Variants in ZNF41 observed in about 807,000 individuals in gnomAD.
The protein encoded by ZNF41 is zinc finger protein 41.
Under a neutral mutation model 9.3 loss-of-function variants are expected in ZNF41, and 6 were observed. The ratio of observed to expected loss-of-function variants is 0.65; its 90% CI spans 0.35 to 1.28. The LOEUF (loss-of-function observed/expected upper bound fraction) is 1.28, where lower values mean the gene tolerates loss of function less well. Ranked by LOEUF, ZNF41 falls within the 50% of genes most tolerant of loss-of-function variation. The pLI is 0.03. For synonymous variants in ZNF41, 192 were observed against 207.1 expected (o/e 0.93, Z 0.63); for missense variants, 523 against 585.8 (o/e 0.89, Z 1.11).
At chrX:47,452,976 AAT>A (rs758102921) in intron 4 of ZNF41, among the ~76,000 whole-genome samples, 4 of 112,595 alleles carry the variant, frequency 3.6e-5, no homozygotes, top group Non-Finnish European at 7.5e-5. Flanking sequence ...TACTACAAGA[AAT>A]AGGCTCTTCA....
chrX:47,458,863 C>G (rs769129753), intron 2 of ZNF41, among the ~76,000 whole-genome samples: 1 of 106,426 alleles, frequency 9.4e-6, no homozygotes, highest in African/African-American at 3.4e-5. Flanking sequence ...CTCAAGTGAT[C>G]CACCTGCCTC....
In ZNF41 at chrX:47,447,927, C is replaced by A; in HGVS notation, c.1843G>T (p.Ala615Ser). 1 of 1,211,648 alleles carries A rather than the reference C, an allele frequency of 8.3e-7. No individual in the cohort carries two copies. The highest frequency in any genetic ancestry group is 1.1e-6 in the Non-Finnish European group (1 of 895,508). The change falls in exon 5 of 5, where the codon GCC becomes TCC. Residue 615 changes from alanine (A) to serine (S), a missense_variant. By Grantham distance (99) the Ala-to-Ser change is moderately conservative. Coordinates refer to ENST00000684689, the MANE Select transcript of ZNF41 (RefSeq NM_001324144.2). ...KPYVCPECGK[A>S]FIQKSHFIAH... ...ATGAAGTGCGATTTCTGGATAAAGG[C>A]CTTCCCGCATTCAGGACAAACGTAC...
rs1213007805 is a variant in ZNF41, at chrX:47,448,525, T to C, written c.1245A>G (p.Glu415=). 73 of 1,211,769 alleles carry C rather than the reference T, an allele frequency of 6.0e-5. No homozygotes were observed. Among genetic ancestry groups the C allele is most frequent in the Non-Finnish European group, 8.0e-5 (72 of 895,567 alleles). ...HTGEKHYECN[E]CGKAFTRKSA... ...ATTTTCTTGTGAAAGCCTTCCCACA[T>C]TCATTGCATTCATAGTGTTTCTCTC... Residue 415 remains glutamate, a synonymous_variant, in exon 5 of 5, where the codon GAA becomes GAG. Transcript: ENST00000684689.
chrX:47,470,168 C>G (rs1364060792), intron 1 of ZNF41, among the ~76,000 whole-genome samples: 1 of 109,904 alleles, frequency 9.1e-6, no homozygotes, highest in Non-Finnish European at 1.9e-5. Flanking sequence ...AATCCTAGCA[C>G]TTTGGGAGGC....
At chrX:47,462,942 T>TAC (rs1437920546) in intron 2 of ZNF41, among the ~76,000 whole-genome samples, 11 of 67,158 alleles carry the variant, frequency 1.6e-4, no homozygotes, top group African/African-American at 4.6e-4. Context: ...CACATATATA[T>TAC]ATATACACAC....
In ZNF41 at chrX:47,446,367, T is replaced by C. The variant is rs1024617382; in HGVS notation, c.*1063A>G. On this transcript the variant is annotated 3_prime_UTR_variant, in exon 5 of 5. Transcript: ENST00000684689. ...TATCACATAGCAGTCTACACAAAAC[T>C]ACCCTTAATGTGCATGTAGGAAATG... The C allele has an allele frequency of 3.6e-5, 4 of 111,492 alleles. No homozygotes were observed. The highest frequency in any genetic ancestry group is 5.6e-5 in the Non-Finnish European group (3 of 53,150). The allele number at this position is 111,492 out of a possible 1,213,427, so 9.2% of individuals were successfully genotyped here.
At chrX:47,454,002 G>C (rs2056457284) in intron 4 of ZNF41, among the ~76,000 whole-genome samples, 1 of 111,433 alleles carries the variant, frequency 9.0e-6, no homozygotes, top group Non-Finnish European at 1.9e-5. Context: ...AACCCAGGAG[G>C]CATAGGCTGC....
chrX:47,455,065 G>T (rs1181212962), intron 4 of ZNF41, among the ~76,000 whole-genome samples: 1 of 109,176 alleles, frequency 9.2e-6, no homozygotes, highest in African/African-American at 3.3e-5. Context: ...GACCAACATG[G>T]AGAAACCCCA....
In ZNF41 at chrX:47,467,718, A is replaced by C; in HGVS notation, c.-237T>G. ...GTCATCACTCCACGTTCACTCACAAATGTTTTCTGGTGGTGCCCAGGGGCC... is the reference window on the plus strand; with the variant it reads ...GTCATCACTCCACGTTCACTCACAACTGTTTTCTGGTGGTGCCCAGGGGCC... On this transcript the variant is annotated 5_prime_UTR_variant, in exon 2 of 5. Coordinates refer to ENST00000684689, the MANE Select transcript of ZNF41 (RefSeq NM_001324144.2). 2 of 426,829 alleles carry C rather than the reference A, an allele frequency of 4.7e-6. No individual in the cohort carries two copies. The highest frequency in any genetic ancestry group is 3.9e-5 in the East Asian group (1 of 25,501). 35.2% of individuals were successfully genotyped at this position (426,829 alleles called of 1,213,427 possible). A position where few individuals can be genotyped will look rare whatever the true frequency, so the allele number is the denominator to read the frequency against.
At chrX:47,474,463 CA>C (rs759577486) in intron 1 of ZNF41, among the ~76,000 whole-genome samples, 34 of 99,854 alleles carry the variant, frequency 3.4e-4, no homozygotes, top group African/African-American at 3.6e-4. Flanking sequence ...AACTCCATCT[CA>C]AAAAAAAAAA....
Position 47,455,543 on chromosome X carries a change from T to TC in ZNF41, c.295+377dup, listed in dbSNP as rs1424847598. Among the ~76,000 whole-genome samples, 25 of 109,308 alleles carry TC rather than the reference T, an allele frequency of 2.3e-4. No homozygotes were observed. The Admixed American group carries it at 2.4e-3, about 11-fold the overall frequency. The allele number at this position is 109,308 out of a possible 115,157, so 94.9% of individuals were successfully genotyped here. ...GAGGTTGCATTGAGCCAAGATCATG[T>TC]CACTGCACTCCAGCCTGGGCCACAG... On this transcript the variant is annotated intron_variant, in intron 4 of 4. Coordinates refer to ENST00000684689, the MANE Select transcript of ZNF41 (RefSeq NM_001324144.2).
At chrX:47,467,234 C>T in intron 2 of ZNF41, 176 bp downstream of exon 2, 1 of 1,046,467 alleles carries the variant, frequency 9.6e-7, no homozygotes, top group Non-Finnish European at 1.3e-6. Context: ...GATGTGGCCT[C>T]ATCAGCCAAG....
In ZNF41 at chrX:47,455,941, G is replaced by T. The variant is rs1461263974; in HGVS notation, c.275C>A (p.Ala92Asp). 6.6e-6 allele frequency: 8 copies of T among 1,209,462 alleles called. No individual in the cohort carries two copies. Among genetic ancestry groups the T allele is most frequent in the Non-Finnish European group, 4.5e-6 (4 of 894,919 alleles). The change falls in exon 4 of 5, where the codon GCC (alanine) becomes GAC (aspartate). Residue 92 changes from alanine to aspartate, a missense_variant. By Grantham distance (126) the Ala-to-Asp change is moderately radical. Coordinates refer to ENST00000684689, the MANE Select transcript of ZNF41 (RefSeq NM_001324144.2). ...CTCACCTGAACAGCTCTGATGTGGG[G>T]CTTCCCCCTCCAGCATCCATGGCCC... Reference protein sequence around the residue: ...GEGPWMLEGEAPHQSCSGEAI... With the variant: ...GEGPWMLEGEDPHQSCSGEAI...
intron 2 of ZNF41, among the ~76,000 whole-genome samples, chrX:47,457,158 T>C (rs1292518705): frequency 7.1e-5 from 8 of 112,110 alleles, no homozygotes; most frequent in Non-Finnish European, 1.9e-5. Context: ...TCCTGTAATC[T>C]CAGCCCTTTG....
At chrX:47,461,099 CTTTTT>C (rs372319051) in intron 2 of ZNF41, among the ~76,000 whole-genome samples, 2 of 98,127 alleles carry the variant, frequency 2.0e-5, no homozygotes, top group African/African-American at 3.6e-5. Context: ...CTTTTCTTTT[CTTTTT>C]TTTTTTTTTT....
At chrX:47,456,865 A>T (rs1040482961) in intron 2 of ZNF41, among the ~76,000 whole-genome samples, 1 of 111,660 alleles carries the variant, frequency 9.0e-6, no homozygotes, top group Admixed American at 9.6e-5. Context: ...GTTATCTAGA[A>T]GGGAGAAGCA....
chrX:47,476,163 G>A (rs1320105729), intron 1 of ZNF41, among the ~76,000 whole-genome samples: 2 of 110,998 alleles, frequency 1.8e-5, no homozygotes, highest in African/African-American at 6.5e-5. Context: ...GACCAGCCTG[G>A]CTGAAGTGGC....
At chrX:47,455,606 G>A (rs1208258768) in intron 4 of ZNF41, among the ~76,000 whole-genome samples, 1 of 111,342 alleles carries the variant, frequency 9.0e-6, no homozygotes, top group Non-Finnish European at 1.9e-5. Context: ...AAAAGACTAA[G>A]ATGGGGGGCA....
In ZNF41 at chrX:47,447,708, C is replaced by A; in HGVS notation, c.2062G>T (p.Glu688Ter). The A allele has an allele frequency of 8.3e-7, 1 of 1,211,525 alleles. No individual in the cohort carries two copies. Among genetic ancestry groups the A allele is most frequent in the Non-Finnish European group, 1.1e-6 (1 of 895,514 alleles). Residue 688 changes from glutamate (E) to a stop codon, truncating the protein, a stop_gained, in exon 5 of 5, where the codon GAG becomes TAG. Coordinates refer to ENST00000684689, the MANE Select transcript of ZNF41 (RefSeq NM_001324144.2). LOFTEE classifies it low-confidence loss of function (END_TRUNC). ...LITHQKIHTR[E>*]KPYECGDCGK... The stretch of plus-strand genomic sequence containing the variant: ...CAGTCACCACATTCATAGGGTTTCT[C>A]CCTAGTGTGGATTTTCTGATGTGTT...
Sources: gnomAD v4.1 joint callset for allele counts (sites outside exome capture counted in the v4.1 genomes callset) on GRCh38, gnomAD v4.1.1 for gene constraint, MANE v1.5 for transcripts, NCBI Gene and HGNC (gene_info 2026-07-23, HGNC 2026-07-21) for gene names.